The following FHIT variants were observed in gnomAD, a reference collection of about 807,000 sequenced individuals.
FHIT encodes fragile histidine triad diadenosine triphosphatase.
A neutral mutation model predicts 17.9 loss-of-function variants in FHIT; 19 were observed. That is an observed-to-expected ratio of 1.06 (90% CI 0.74 to 1.56). The LOEUF is 1.56. Among genes scored for constraint, FHIT ranks in the 40% most tolerant of loss-of-function variants. The pLI, the probability that FHIT is intolerant of heterozygous loss-of-function variation, is 0.00. For missense variants in FHIT, 248 were observed against 189.2 expected (o/e 1.31, Z -1.82); for synonymous variants, 81 against 69.7 (o/e 1.16, Z -0.81).
chr3:60,027,142 C>CAAAAAA lies in FHIT; in HGVS notation c.104-12991_104-12990insTTTTTT, dbSNP rs1321531808. On this transcript the variant is annotated intron_variant, in intron 5 of 9. Transcript: ENST00000492590. ...ACACACACACACACACACACACACA[C>CAAAAAA]ACACACAAAATTAGTAAACCCAATA... Among the ~76,000 whole-genome samples the CAAAAAA allele has an allele frequency of 1.4e-4, 15 of 109,578 alleles. No individual in the cohort carries two copies. In the South Asian group the frequency reaches 4.3e-3, roughly 32 times the overall value. The allele number at this position is 109,578 out of a possible 152,430, so 71.9% of individuals were successfully genotyped here.
At chr3:60,317,655 T>A (rs892387221) in intron 5 of FHIT, among the ~76,000 whole-genome samples, 2 of 145,622 alleles carry the variant, frequency 1.4e-5, no homozygotes, top group South Asian at 4.3e-4. Flanking sequence ...ATATATATAA[T>A]ATTTTCCCCA....
At chr3:59,980,003 C>G (rs1371275532) in intron 7 of FHIT, among the ~76,000 whole-genome samples, 1 of 152,114 alleles carries the variant, frequency 6.6e-6, no homozygotes, top group East Asian at 1.9e-4. Flanking sequence ...ATGGCAAATA[C>G]ACCATATTGA....
rs190023172 is a variant in FHIT, at chr3:59,837,639, C to G, written c.348+84707G>C. ...CAAAAGTTGAGAGAACTGGTTTTCT[C>G]TATCAAATTGGGCAAAGGTCTTCTC... is the stretch of plus-strand genomic sequence containing the variant. On this transcript the variant is annotated intron_variant, in intron 8 of 9. Transcript: ENST00000492590. Among the ~76,000 whole-genome samples the G allele has an allele frequency of 2.6e-5, 4 of 152,310 alleles. No homozygotes were observed. In the East Asian group the frequency reaches 7.7e-4, roughly 29 times the overall value.
rs549699077 is a variant in FHIT, at chr3:61,126,680, T to C, written c.-164+73937A>G. The stretch of plus-strand genomic sequence containing the variant: ...GGTGGGAACACAGAGCCGAACCATA[T>C]CAACAATAAAACAAAATAAACTAGT... On this transcript the variant is annotated intron_variant, in intron 2 of 9. Transcript: ENST00000492590. Among the ~76,000 whole-genome samples the C allele has an allele frequency of 2.6e-5, 4 of 152,232 alleles. No homozygotes were observed. The East Asian group carries it at 7.7e-4, about 29-fold the overall frequency.
intron 5 of FHIT, among the ~76,000 whole-genome samples, chr3:60,275,436 C>T (rs76770164): frequency 0.087 from 13,183 of 152,178 alleles, 763 homozygotes; most frequent in Middle Eastern, 0.16. Context: ...ATGTGCTCTC[C>T]TAATTTATCC....
chr3:60,294,414 C>T (rs1192481647), intron 5 of FHIT, among the ~76,000 whole-genome samples: 1 of 152,136 alleles, frequency 6.6e-6, no homozygotes, highest in Non-Finnish European at 1.5e-5. Flanking sequence ...ATATGAAGAA[C>T]GTGACCAAGG....
intron 5 of FHIT, among the ~76,000 whole-genome samples, chr3:60,329,407 C>T (rs1043519839): frequency 2.0e-5 from 3 of 152,198 alleles, no homozygotes; most frequent in Admixed American, 1.3e-4. Context: ...TCTAACAAGA[C>T]ATTCTTTACC....
intron 5 of FHIT, among the ~76,000 whole-genome samples, chr3:60,409,513 T>C (rs1184840781): frequency 6.6e-6 from 1 of 152,196 alleles, no homozygotes; most frequent in Non-Finnish European, 1.5e-5. Context: ...TTTATAGCTG[T>C]AATGAGAAAT....
At chr3:60,856,945 GC>G (rs1703410604) in intron 3 of FHIT, among the ~76,000 whole-genome samples, 1 of 152,082 alleles carries the variant, frequency 6.6e-6, no homozygotes, top group African/African-American at 2.4e-5. Context: ...CCACAACCAT[GC>G]CCCACTCCAA....
rs1420240466 is a variant in FHIT, at chr3:59,856,761, G to T, written c.348+65585C>A. 3.9e-5 allele frequency among the ~76,000 whole-genome samples: 6 copies of T among 151,994 alleles called. No individual in the cohort carries two copies. The East Asian group carries it at 1.2e-3, about 29-fold the overall frequency. Reference sequence around the variant, plus strand: ...TTATAATATCTATCTAATTCTGTGGGAATTAAGGAAGTAAACAATATAAAG... The same window carrying T: ...TTATAATATCTATCTAATTCTGTGGTAATTAAGGAAGTAAACAATATAAAG... On this transcript the variant is annotated intron_variant, in intron 8 of 9. Coordinates refer to ENST00000492590, the MANE Select transcript of FHIT (RefSeq NM_002012.4).
chr3:60,396,274 C>T (rs1215301807), intron 5 of FHIT, among the ~76,000 whole-genome samples: 1 of 152,182 alleles, frequency 6.6e-6, no homozygotes, highest in Non-Finnish European at 1.5e-5. Flanking sequence ...TTGATGCACA[C>T]TCTGTGTATG....
intron 3 of FHIT, among the ~76,000 whole-genome samples, chr3:60,848,451 G>C (rs1432263938): frequency 6.6e-6 from 1 of 152,086 alleles, no homozygotes; most frequent in Non-Finnish European, 1.5e-5. Flanking sequence ...ATGATGACTA[G>C]AGTTACAGCA....
intron 4 of FHIT, among the ~76,000 whole-genome samples, chr3:60,707,588 T>C (rs1486239481): frequency 6.6e-6 from 1 of 152,204 alleles, no homozygotes; most frequent in Non-Finnish European, 1.5e-5. Context: ...CTACAGTCAA[T>C]GCAGCCAAAA....
intron 5 of FHIT, among the ~76,000 whole-genome samples, chr3:60,088,936 T>G (rs984937794): frequency 1.3e-5 from 2 of 152,174 alleles, no homozygotes; most frequent in African/African-American, 4.8e-5. Context: ...GGAAAGACTA[T>G]GTAAGGCAAC....
intron 7 of FHIT, among the ~76,000 whole-genome samples, chr3:59,953,896 G>A (rs557130238): frequency 3.3e-5 from 5 of 152,298 alleles, no homozygotes; most frequent in South Asian, 4.1e-4. Context: ...TGATGCCTGT[G>A]GTGTGAGTCA....
intron 4 of FHIT, among the ~76,000 whole-genome samples, chr3:60,721,324 T>C: frequency 6.6e-6 from 1 of 152,238 alleles, no homozygotes; most frequent in East Asian, 1.9e-4. Context: ...CACATATTTG[T>C]ACTGTATGTC....
intron 4 of FHIT, among the ~76,000 whole-genome samples, chr3:60,731,617 G>A (rs571093072): frequency 9.9e-5 from 15 of 152,170 alleles, no homozygotes; most frequent in South Asian, 2.1e-4. Context: ...CCTATCAAGC[G>A]TCCCTATAAG....
chr3:60,020,933 T>C (rs924213940), intron 5 of FHIT, among the ~76,000 whole-genome samples: 2 of 152,190 alleles, frequency 1.3e-5, no homozygotes, highest in African/African-American at 2.4e-5. Flanking sequence ...TATTAATAAA[T>C]ACAATTCTGA....
At chr3:59,872,910 T>C (rs77519655) in intron 8 of FHIT, among the ~76,000 whole-genome samples, 1 of 152,160 alleles carries the variant, frequency 6.6e-6, no homozygotes, top group East Asian at 1.9e-4. Flanking sequence ...AGTTGACATA[T>C]CAATTTTCCC....
Sources: gnomAD v4.1 joint callset for allele counts (sites outside exome capture counted in the v4.1 genomes callset) on GRCh38, gnomAD v4.1.1 for gene constraint, MANE v1.5 for transcripts, NCBI Gene and HGNC (gene_info 2026-07-23, HGNC 2026-07-21) for gene names.